The following ROR2 variants were observed in gnomAD, a reference collection of about 807,000 sequenced individuals.
ROR2 encodes the protein tyrosine-protein kinase transmembrane receptor ROR2.
Under a neutral mutation model 74.9 loss-of-function variants are expected in ROR2, and 33 were observed. That is an observed-to-expected ratio of 0.44 (90% CI 0.33 to 0.59). The LOEUF is 0.59. Among genes scored for constraint, ROR2 ranks in the 20% least tolerant of loss-of-function variants. The pLI is 0.02. For missense variants in ROR2, 1,216 were observed against 1,313.8 expected (o/e 0.93, Z 1.15); for synonymous variants, 586 against 558.7 (o/e 1.05, Z -0.69).
Position 91,833,027 on chromosome 9 carries a change from A to C in ROR2, c.98-57209T>G, listed in dbSNP as rs146560537. On this transcript the variant is annotated intron_variant, in intron 1 of 8. Transcript: ENST00000375708. ...AAGTCAGGATGTGGTACACAAAAGCAGGTGAGGGGCTCAGAGTGGGCTCCC... is the reference window on the plus strand; with the variant it reads ...AAGTCAGGATGTGGTACACAAAAGCCGGTGAGGGGCTCAGAGTGGGCTCCC... Among the ~76,000 whole-genome samples the C allele has an allele frequency of 2.8e-3, 427 of 152,300 alleles. 4 individuals carry two copies. The highest frequency in any genetic ancestry group is 9.2e-3 in the African/African-American group (382 of 41,578).
At chr9:91,819,122 G>A (rs1174001087) in intron 1 of ROR2, among the ~76,000 whole-genome samples, 1 of 152,118 alleles carries the variant, frequency 6.6e-6, no homozygotes, top group Non-Finnish European at 1.5e-5. Flanking sequence ...GAATGGACTC[G>A]GCCCAAAGAT....
At chr9:91,819,561 G>A (rs568198649) in intron 1 of ROR2, among the ~76,000 whole-genome samples, 2 of 151,604 alleles carry the variant, frequency 1.3e-5, no homozygotes, top group South Asian at 4.2e-4. Flanking sequence ...ATCTTTGTGT[G>A]TGTCTGAATA....
Position 91,757,554 on chromosome 9 carries a change from A to T in ROR2, c.181T>A (p.Phe61Ile). ...TTTACTGGCTCCAGAAAATTCAGAA[A>T]GTAACCTGCCAAGGAGAGCGGTCAC... Reference protein sequence around the residue: ...DGPIPTLKGYFLNFLEPVNNI... With the variant: ...DGPIPTLKGYILNFLEPVNNI... The change falls in exon 3 of 9, where the codon TTT becomes ATT. Residue 61 changes from phenylalanine (F) to isoleucine (I), a missense_variant. Phe to Ile is a conservative substitution (Grantham distance 21). Coordinates refer to ENST00000375708, the MANE Select transcript of ROR2 (RefSeq NM_004560.4). The T allele has an allele frequency of 6.2e-7, 1 of 1,613,536 alleles. No homozygotes were observed. The highest frequency in any genetic ancestry group is 1.7e-5 in the Admixed American group (1 of 59,944).
intron 1 of ROR2, among the ~76,000 whole-genome samples, chr9:91,801,926 T>TCGCAGGG (rs1827393597): frequency 6.6e-6 from 1 of 152,058 alleles, no homozygotes; most frequent in East Asian, 1.9e-4. Context: ...GCACAGCAGG[T>TCGCAGGG]TCTCAGCGTC....
chr9:91,806,079 TG>T (rs1342661043), intron 1 of ROR2, among the ~76,000 whole-genome samples: 4 of 152,230 alleles, frequency 2.6e-5, no homozygotes, highest in African/African-American at 9.6e-5. Context: ...CTGCTTTGTG[TG>T]ACTGTTCGGG....
rs1294589430 is a variant in ROR2 at position 91,949,916 on chromosome 9, C to T, written c.48G>A (p.Pro16=). 6.5e-7 allele frequency: 1 copy of T among 1,538,044 alleles called. No individual in the cohort carries two copies. The highest frequency in any genetic ancestry group is 1.4e-5 in the African/African-American group (1 of 71,664). Residue 16 remains proline (P), a synonymous_variant, in exon 1 of 9, where the codon CCG becomes CCA. Transcript: ENST00000375708. ...GAAGCGCGGCGGCCGCCCAGACGGC[C>T]GGGATGCACAGCAGCGGCCGCCGCG... The part of the protein sequence containing the change: ...ALPRRPLLCI[P]AVWAAAALLL...
chr9:91,821,570 CCT>C (rs1375719608), intron 1 of ROR2, among the ~76,000 whole-genome samples: 1 of 152,130 alleles, frequency 6.6e-6, no homozygotes. Context: ...GCCATGCACC[CCT>C]GAAAGGCCCA....
chr9:91,904,135 G>A (rs997515599), intron 1 of ROR2, among the ~76,000 whole-genome samples: 1 of 151,792 alleles, frequency 6.6e-6, no homozygotes, highest in Non-Finnish European at 1.5e-5. Flanking sequence ...CCACCTCCCA[G>A]GTTCAGGCAA....
At chr9:91,749,629 G>A (rs552036152) in intron 4 of ROR2, among the ~76,000 whole-genome samples, 5 of 152,258 alleles carry the variant, frequency 3.3e-5, no homozygotes, top group South Asian at 2.1e-4. Flanking sequence ...TGTGGAATTC[G>A]TCCAGGAACA....
At chr9:91,901,164 A>T (rs1315857668) in intron 1 of ROR2, among the ~76,000 whole-genome samples, 1 of 152,232 alleles carries the variant, frequency 6.6e-6, no homozygotes, top group Non-Finnish European at 1.5e-5. Flanking sequence ...TCTGAAATGC[A>T]AACTATACTA....
intron 1 of ROR2, among the ~76,000 whole-genome samples, chr9:91,911,933 C>CAAAA (rs747087662): frequency 2.5e-3 from 194 of 76,244 alleles, no homozygotes; most frequent in African/African-American, 4.2e-3. Context: ...TGAGTCTAAG[C>CAAAA]AAAAAAAAAA....
chr9:91,855,419 C>T (rs1829248346), intron 1 of ROR2, among the ~76,000 whole-genome samples: 1 of 152,204 alleles, frequency 6.6e-6, no homozygotes, highest in Admixed American at 6.5e-5. Context: ...GGCAGCCTGG[C>T]CCTAGGCGAG....
At position 91,803,987 on chromosome 9, in the gene ROR2, A is replaced by G. The variant is rs531709674; in HGVS notation, c.98-28169T>C. Reference sequence around the variant, plus strand: ...TGGGATGATCTCTTCTCTGGATGAAAAGATTTGAGATTTCGTTATTAATTT... The same window carrying G: ...TGGGATGATCTCTTCTCTGGATGAAGAGATTTGAGATTTCGTTATTAATTT... On this transcript the variant is annotated intron_variant, in intron 1 of 8. Coordinates refer to ENST00000375708, the MANE Select transcript of ROR2 (RefSeq NM_004560.4). Among the ~76,000 whole-genome samples, 3 of 152,334 alleles carry G rather than the reference A, an allele frequency of 2.0e-5. No homozygotes were observed. The East Asian group carries it at 5.8e-4, about 29-fold the overall frequency.
intron 4 of ROR2, among the ~76,000 whole-genome samples, chr9:91,745,793 A>G (rs1825393073): frequency 6.6e-6 from 1 of 152,082 alleles, no homozygotes; most frequent in Admixed American, 6.5e-5. Flanking sequence ...CTATTTAGTC[A>G]CCTACTGCTT....
At chr9:91,748,203 A>G (rs1825490903) in intron 4 of ROR2, among the ~76,000 whole-genome samples, 1 of 151,978 alleles carries the variant, frequency 6.6e-6, no homozygotes, top group African/African-American at 2.4e-5. Flanking sequence ...TGAACCTGGG[A>G]GGCGGAGGTT....
chr9:91,774,467 G>A (rs1826349482), intron 2 of ROR2, among the ~76,000 whole-genome samples: 1 of 152,188 alleles, frequency 6.6e-6, no homozygotes, highest in Admixed American at 6.5e-5. Flanking sequence ...TTGCAGGTGA[G>A]GCCTTTGGAA....
chr9:91,769,998 C>A (rs952514569), intron 2 of ROR2, among the ~76,000 whole-genome samples: 2 of 152,244 alleles, frequency 1.3e-5, no homozygotes, highest in African/African-American at 4.8e-5. Context: ...CATCCGAGTA[C>A]CGCCTTGGAC....
At chr9:91,860,125 G>A (rs1829426110) in intron 1 of ROR2, among the ~76,000 whole-genome samples, 1 of 152,192 alleles carries the variant, frequency 6.6e-6, no homozygotes, top group Non-Finnish European at 1.5e-5. Flanking sequence ...GGAAAGGCTC[G>A]GTTCCAGGCC....
intron 1 of ROR2, among the ~76,000 whole-genome samples, chr9:91,830,135 T>C (rs1828419351): frequency 6.6e-6 from 1 of 152,220 alleles, no homozygotes; most frequent in African/African-American, 2.4e-5. Flanking sequence ...AGTTTTTCCT[T>C]TCTTTACACC....
Sources: allele counts gnomAD v4.1 joint callset (sites outside exome capture counted in the v4.1 genomes callset), GRCh38; gene constraint gnomAD v4.1.1; transcripts MANE v1.5; gene names NCBI Gene and HGNC (gene_info 2026-07-23, HGNC 2026-07-21).